Variants in SSH2 observed in about 807,000 individuals in gnomAD.
The protein encoded by SSH2 is protein phosphatase Slingshot homolog 2.
SSH2 carries 37 observed loss-of-function variants against 135.2 expected under a neutral mutation model. The observed-to-expected ratio is 0.27, with a 90% CI of 0.21 to 0.36. The LOEUF is 0.36. Among genes scored for constraint, SSH2 ranks in the 10% least tolerant of loss-of-function variants. The pLI, the probability that SSH2 is intolerant of heterozygous loss-of-function variation, is 1.00. For missense variants in SSH2, 1,408 were observed against 1,765.3 expected, an observed-to-expected ratio of 0.80 and a Z score of 3.63; for synonymous variants, 628 against 646.2, an observed-to-expected ratio of 0.97 and a Z score of 0.43.
chr17:29,873,911 T>C (rs2065982107), intron 1 of SSH2, among the ~76,000 whole-genome samples: 1 of 152,216 alleles, frequency 6.6e-6, no homozygotes, highest in Non-Finnish European at 1.5e-5. Context: ...ACCTTCTACA[T>C]TTATTTTCCC....
intron 3 of SSH2, among the ~76,000 whole-genome samples, chr17:29,738,765 A>G (rs983482211): frequency 2.6e-5 from 4 of 151,960 alleles, no homozygotes; most frequent in Admixed American, 2.6e-4. Flanking sequence ...TGTGTTAGCC[A>G]GGATGGTCTC....
At position 29,913,157 on chromosome 17, in the gene SSH2, A is replaced by G. The variant is rs141538285; in HGVS notation, c.63+16781T>C. ...ACATGATGAAAATCCATCTCTACTAAAAATACAAAAATTAGCCGGGTGTGG... is the reference window on the plus strand; with the variant it reads ...ACATGATGAAAATCCATCTCTACTAGAAATACAAAAATTAGCCGGGTGTGG... On this transcript the variant is annotated intron_variant, in intron 1 of 15. Transcript: ENST00000540801. 4.5e-3 allele frequency among the ~76,000 whole-genome samples: 667 copies of G among 149,088 alleles called. 8 individuals carry two copies. The highest frequency in any genetic ancestry group is 0.016 in the African/African-American group (630 of 40,636).
chr17:29,761,362 C>T, intron 3 of SSH2: 2 of 1,070,322 alleles, frequency 1.9e-6, no homozygotes, highest in Non-Finnish European at 2.3e-6. Context: ...CACCCGGCGG[C>T]GGAGGCGGGC....
intron 3 of SSH2, among the ~76,000 whole-genome samples, chr17:29,752,827 C>A (rs562370741): frequency 7.6e-6 from 1 of 130,932 alleles, no homozygotes; most frequent in African/African-American, 3.2e-5. Context: ...GTCAGAAGCA[C>A]ACTCAAATCA....
chr17:29,696,255 AAAAT>A (rs2038734987), intron 4 of SSH2, among the ~76,000 whole-genome samples: 1 of 150,244 alleles, frequency 6.7e-6, no homozygotes, highest in Non-Finnish European at 1.5e-5. Context: ...TCCGTCTCAA[AAAAT>A]ATATATATAC....
chr17:29,679,934 T>A (rs1437486412), intron 6 of SSH2, among the ~76,000 whole-genome samples: 3 of 152,186 alleles, frequency 2.0e-5, no homozygotes, highest in Non-Finnish European at 2.9e-5. Context: ...AACTTTTTTT[T>A]AAACAAATTA....
intron 3 of SSH2, among the ~76,000 whole-genome samples, chr17:29,726,764 TA>T (rs1437850408): frequency 1.1e-4 from 17 of 152,238 alleles, no homozygotes; most frequent in Admixed American, 2.0e-4. Flanking sequence ...TCCTTGTCTC[TA>T]AAAAATTGCA....
chr17:29,802,385 T>C (rs1293140771), intron 2 of SSH2, among the ~76,000 whole-genome samples: 1 of 152,118 alleles, frequency 6.6e-6, no homozygotes. Flanking sequence ...CAAAATGTTA[T>C]AGAAGCAACA....
intron 1 of SSH2, among the ~76,000 whole-genome samples, chr17:29,904,233 A>C (rs1304646063): frequency 6.6e-6 from 1 of 152,240 alleles, no homozygotes; most frequent in African/African-American, 2.4e-5. Context: ...CTTGGTGAAC[A>C]TCGATGGAGA....
At chr17:29,683,850 T>C (rs1172293252) in intron 6 of SSH2, among the ~76,000 whole-genome samples, 1 of 151,022 alleles carries the variant, frequency 6.6e-6, no homozygotes, top group Non-Finnish European at 1.5e-5. Context: ...GAGGCTGAGG[T>C]GGAAGGATTC....
chr17:29,863,512 T>C (rs911800082), intron 1 of SSH2: 2 of 152,208 alleles, frequency 1.3e-5, no homozygotes, highest in African/African-American at 4.8e-5. Context: ...GCCCTTTCTA[T>C]GCCTTTGGAT....
At chr17:29,673,901 T>C (rs1376883319) in intron 8 of SSH2, 1 of 329,928 alleles carries the variant, frequency 3.0e-6, no homozygotes, top group Non-Finnish European at 6.1e-6. Flanking sequence ...TGTACCATAA[T>C]TTACTAATTC....
intron 1 of SSH2, among the ~76,000 whole-genome samples, chr17:29,885,522 C>T (rs549863045): frequency 3.3e-5 from 5 of 152,078 alleles, no homozygotes; most frequent in East Asian, 3.9e-4. Context: ...TCACCAGAAA[C>T]ACCAATCCTT....
In SSH2 at chr17:29,727,828, G is replaced by A. The variant is rs947619875; in HGVS notation, c.189-24766C>T. On this transcript the variant is annotated intron_variant, in intron 3 of 15. Transcript: ENST00000540801. Reference sequence around the variant, plus strand: ...AATAGTGCTAGAAGTCCTAGACAGGGCAATCAGACAAGAAAAGAAACAAAG... The same window carrying A: ...AATAGTGCTAGAAGTCCTAGACAGGACAATCAGACAAGAAAAGAAACAAAG... Among the ~76,000 whole-genome samples, 11 of 152,298 alleles carry A rather than the reference G, an allele frequency of 7.2e-5. No homozygotes were observed. In the East Asian group the frequency reaches 2.1e-3, roughly 29 times the overall value.
At chr17:29,879,058 C>T (rs1015657320) in intron 1 of SSH2, among the ~76,000 whole-genome samples, 4 of 152,134 alleles carry the variant, frequency 2.6e-5, no homozygotes, top group African/African-American at 7.2e-5. Flanking sequence ...CATGTCTGTA[C>T]ATTTTACTTT....
rs573763467 is a variant in SSH2 at position 29,861,846 on chromosome 17, T to C, written c.64-12917A>G. On this transcript the variant is annotated intron_variant, in intron 1 of 15. Transcript: ENST00000540801. ...TGCTACAGGCATGAGCCACTGTGCCTGGCCCATAATCTTCGTCTTTGAAGG... is the reference window on the plus strand; with the variant it reads ...TGCTACAGGCATGAGCCACTGTGCCCGGCCCATAATCTTCGTCTTTGAAGG... Among the ~76,000 whole-genome samples, 333 of 152,300 alleles carry C rather than the reference T, an allele frequency of 2.2e-3. 1 individual carries two copies. Among genetic ancestry groups the C allele is most frequent in the African/African-American group, 7.9e-3 (328 of 41,560 alleles).
At chr17:29,666,301 G>C (rs2037272444) in intron 11 of SSH2, among the ~76,000 whole-genome samples, 1 of 152,138 alleles carries the variant, frequency 6.6e-6, no homozygotes, top group Non-Finnish European at 1.5e-5. Context: ...TTGAGCCTGC[G>C]AGGCTGAGGT....
intron 3 of SSH2, among the ~76,000 whole-genome samples, chr17:29,774,318 G>A (rs2041649878): frequency 6.6e-6 from 1 of 152,110 alleles, no homozygotes; most frequent in Non-Finnish European, 1.5e-5. Flanking sequence ...AGGCTGGAGT[G>A]CAATGGCGGG....
chr17:29,753,258 G>C (rs1304387956), intron 3 of SSH2, among the ~76,000 whole-genome samples: 1 of 151,848 alleles, frequency 6.6e-6, no homozygotes, highest in Non-Finnish European at 1.5e-5. Flanking sequence ...AGCCTCCCGA[G>C]TAGGTGGGAT....
Sources: allele counts gnomAD v4.1 joint callset (sites outside exome capture counted in the v4.1 genomes callset), GRCh38; gene constraint gnomAD v4.1.1; transcripts MANE v1.5; gene names NCBI Gene and HGNC (gene_info 2026-07-23, HGNC 2026-07-21).